C16orf74: variants seen among roughly 807,000 people sequenced by gnomAD.
The protein encoded by C16orf74 is calcimembrin, also known as uncharacterized protein C16orf74.
In C16orf74, 10 loss-of-function variants were observed where a neutral mutation model predicts 6.5. The observed-to-expected ratio is 1.54, with a 90% CI of 0.95 to 2.61. The LOEUF (loss-of-function observed/expected upper bound fraction) is 2.61. Among genes scored for constraint, C16orf74 ranks in the 30% most tolerant of loss-of-function variants. The pLI is 0.00. For synonymous variants in C16orf74, 60 were observed against 42.5 expected (o/e 1.41, Z -1.60); for missense variants, 141 against 105.9 (o/e 1.33, Z -1.45).
intron 2 of C16orf74, among the ~76,000 whole-genome samples, chr16:85,715,828 A>C (rs2054017833): frequency 6.6e-6 from 1 of 152,134 alleles, no homozygotes; most frequent in South Asian, 2.1e-4. Flanking sequence ...CGTGCCAAAA[A>C]CAAAAGCCAC....
In C16orf74 at chr16:85,716,385, AGAGGAGGGAGAAGAGGAAGG is replaced by A. The variant is rs957086835; in HGVS notation, c.29-6098_29-6079del. On this transcript the variant is annotated intron_variant, in intron 2 of 3. Transcript: ENST00000284245. The stretch of plus-strand genomic sequence containing the variant: ...GGAAGGGAGGGAAGGAGGAGAGAGG[AGAGGAGGGAGAAGAGGAAGG>A]GAGGAGGGAGAAGAGGGAGAGAGGA... Among the ~76,000 whole-genome samples, 17 of 117,010 alleles carry A rather than the reference AGAGGAGGGAGAAGAGGAAGG, an allele frequency of 1.5e-4. 1 individual carries two copies. Among genetic ancestry groups the A allele is most frequent in the Non-Finnish European group, 2.9e-4 (16 of 55,966 alleles). 76.8% of individuals were successfully genotyped at this position (117,010 alleles called of 152,430 possible).
chr16:85,727,164 C>T (rs17804860), intron 2 of C16orf74, among the ~76,000 whole-genome samples: 5 of 152,178 alleles, frequency 3.3e-5, no homozygotes, highest in African/African-American at 7.2e-5. Flanking sequence ...CAATCTCTCA[C>T]GCAATTCTGG....
chr16:85,727,606 T>A (rs900337066), intron 2 of C16orf74, among the ~76,000 whole-genome samples: 5 of 148,686 alleles, frequency 3.4e-5, no homozygotes, highest in African/African-American at 1.2e-4. Context: ...GCCCAGGAGT[T>A]CAAGACCAAC....
rs556713562 is a variant in C16orf74, at chr16:85,730,237, C to T, written c.28+4953G>A. Among the ~76,000 whole-genome samples the T allele has an allele frequency of 6.6e-5, 10 of 152,262 alleles. No individual in the cohort carries two copies. In the South Asian group the frequency reaches 1.9e-3, roughly 28 times the overall value. ...CTGAGTGGGTTCAGCCCATGCCTCC[C>T]GTAACCACGCCTCCAAAGGGAATAA... On this transcript the variant is annotated intron_variant, in intron 2 of 3. Transcript: ENST00000284245.
At chr16:85,736,952 G>A (rs576289810) in intron 1 of C16orf74, among the ~76,000 whole-genome samples, 1 of 152,284 alleles carries the variant, frequency 6.6e-6, no homozygotes, top group South Asian at 2.1e-4. Flanking sequence ...GCTGAGGCAG[G>A]AGAATCACTT....
At chr16:85,750,586 G>C (rs1345201755) in intron 1 of C16orf74, among the ~76,000 whole-genome samples, 1 of 152,262 alleles carries the variant, frequency 6.6e-6, no homozygotes, top group African/African-American at 2.4e-5. Flanking sequence ...CTCAGGAATG[G>C]CGTTCTGGTC....
At chr16:85,737,014 G>T (rs558757691) in intron 1 of C16orf74, among the ~76,000 whole-genome samples, 1 of 152,078 alleles carries the variant, frequency 6.6e-6, no homozygotes, top group Non-Finnish European at 1.5e-5. Context: ...CTGCACTGCA[G>T]CCTGGGCGAC....
Position 85,725,036 on chromosome 16 carries a change from G to A in C16orf74, c.28+10154C>T, listed in dbSNP as rs34532863. ...CTCCTTTCGGAGGATATCAGGTGCC[G>A]GAGGTTTAGCTTAAGCATGGGTGAC... On this transcript the variant is annotated intron_variant, in intron 2 of 3. Coordinates refer to ENST00000284245, the MANE Select transcript of C16orf74 (RefSeq NM_206967.3). Among the ~76,000 whole-genome samples the A allele has an allele frequency of 1.3e-3, 201 of 151,450 alleles. 1 individual carries two copies. Among genetic ancestry groups the A allele is most frequent in the Admixed American group, 3.0e-3 (45 of 15,216 alleles).
chr16:85,744,174 G>C (rs557736561), intron 1 of C16orf74: 11 of 126,056 alleles, frequency 8.7e-5, no homozygotes, highest in African/African-American at 3.3e-4. Flanking sequence ...GCGGTGAGCC[G>C]AGATTGCGCC....
chr16:85,734,873 T>C (rs1205926559), intron 2 of C16orf74, among the ~76,000 whole-genome samples: 3 of 152,192 alleles, frequency 2.0e-5, no homozygotes, highest in Non-Finnish European at 4.4e-5. Flanking sequence ...CAGCCCAGCA[T>C]ATGCCTGGCT....
intron 1 of C16orf74, among the ~76,000 whole-genome samples, chr16:85,745,242 T>A (rs529659248): frequency 6.6e-6 from 1 of 151,112 alleles, no homozygotes; most frequent in Non-Finnish European, 1.5e-5. Flanking sequence ...AAAAACTGAC[T>A]TCCTCGGCAG....
intron 2 of C16orf74, among the ~76,000 whole-genome samples, chr16:85,731,248 G>A (rs1005074121): frequency 6.6e-6 from 1 of 152,246 alleles, no homozygotes; most frequent in African/African-American, 2.4e-5. Flanking sequence ...TGTAATTTGT[G>A]GGGCTCAGTG....
intron 1 of C16orf74, among the ~76,000 whole-genome samples, chr16:85,736,565 G>A (rs891312474): frequency 6.6e-6 from 1 of 152,106 alleles, no homozygotes; most frequent in Non-Finnish European, 1.5e-5. Flanking sequence ...CCGGGGCCTT[G>A]GGAAGGGAGG....
At chr16:85,733,323 T>G (rs2152063528) in intron 2 of C16orf74, among the ~76,000 whole-genome samples, 2 of 152,288 alleles carry the variant, frequency 1.3e-5, no homozygotes, top group South Asian at 4.1e-4. Context: ...GCTGGATGAT[T>G]CCACTGACAC....
chr16:85,737,961 ATTTTT>A (rs34329302), intron 1 of C16orf74, among the ~76,000 whole-genome samples: 3 of 136,936 alleles, frequency 2.2e-5, no homozygotes, highest in Non-Finnish European at 1.6e-5. Flanking sequence ...TTTTTTTGTG[ATTTTT>A]TTTTTTTTTT....
At chr16:85,744,864 G>A (rs1390899067) in intron 1 of C16orf74, among the ~76,000 whole-genome samples, 3 of 143,780 alleles carry the variant, frequency 2.1e-5, no homozygotes, top group South Asian at 2.2e-4. Context: ...TCCGTCAGCC[G>A]GGTGCAGTGG....
chr16:85,729,708 T>C (rs1201898769), intron 2 of C16orf74, among the ~76,000 whole-genome samples: 1 of 152,080 alleles, frequency 6.6e-6, no homozygotes, highest in Admixed American at 6.5e-5. Flanking sequence ...CCTGGTGTCC[T>C]TACAAGAGGA....
chr16:85,747,374 C>G (rs1351177641), intron 1 of C16orf74, among the ~76,000 whole-genome samples: 2 of 152,078 alleles, frequency 1.3e-5, no homozygotes, highest in African/African-American at 4.8e-5. Context: ...ATCACCTGAG[C>G]CCAGGAGGTT....
At chr16:85,742,137 C>T (rs866063440) in intron 1 of C16orf74, among the ~76,000 whole-genome samples, 1 of 152,160 alleles carries the variant, frequency 6.6e-6, no homozygotes, top group Non-Finnish European at 1.5e-5. Flanking sequence ...CTGTGGGAGG[C>T]TGAGGTGGCT....
Sources: allele counts gnomAD v4.1 joint callset (sites outside exome capture counted in the v4.1 genomes callset), GRCh38; gene constraint gnomAD v4.1.1; transcripts MANE v1.5; gene names NCBI Gene and HGNC (gene_info 2026-07-23, HGNC 2026-07-21).